The following POLN variants were observed in gnomAD, a reference collection of about 807,000 sequenced individuals.
The protein encoded by POLN is DNA polymerase N.
A neutral mutation model predicts 113.5 loss-of-function variants in POLN; 108 were observed. The observed-to-expected ratio is 0.95, with a 90% CI of 0.81 to 1.12. The LOEUF (loss-of-function observed/expected upper bound fraction) is 1.12. Among genes scored for constraint, POLN ranks in the 50% most tolerant of loss-of-function variants. The pLI is 0.00. For missense variants in POLN, 1,097 were observed against 1,077.1 expected, an observed-to-expected ratio of 1.02 and a Z score of -0.26; for synonymous variants, 386 against 391.5, an observed-to-expected ratio of 0.99 and a Z score of 0.17.
At position 2,236,067 on chromosome 4, in the gene POLN, CAT is replaced by C. The variant is rs915229563; in HGVS notation, c.-13+5451_-13+5452del. ...ACACTCATCAAAACTATCTGAAAAA[CAT>C]ATTTATATGTGAACAAAAATTAGGA... is the stretch of plus-strand genomic sequence containing the variant. On this transcript the variant is annotated intron_variant, in intron 2 of 25. Coordinates refer to ENST00000511885, the MANE Select transcript of POLN (RefSeq NM_181808.4). 8.5e-5 allele frequency among the ~76,000 whole-genome samples: 13 copies of C among 152,232 alleles called. No individual in the cohort carries two copies. In the East Asian group the frequency reaches 1.4e-3, roughly 16 times the overall value.
At chr4:2,221,065 A>G (rs1336243166) in intron 3 of POLN, among the ~76,000 whole-genome samples, 1 of 151,996 alleles carries the variant, frequency 6.6e-6, no homozygotes, top group Non-Finnish European at 1.5e-5. Context: ...AGGTGGGGGG[A>G]AGCGCTCAGG....
intron 20 of POLN, chr4:2,089,169 C>T (rs780878619): frequency 1.8e-4 from 258 of 1,443,858 alleles, no homozygotes; most frequent in Non-Finnish European, 2.1e-4. Flanking sequence ...CAGGAGACCT[C>T]ACTTCAGATA....
At chr4:2,081,245 T>C in intron 22 of POLN, 3 of 1,471,792 alleles carry the variant, frequency 2.0e-6, no homozygotes. Flanking sequence ...ACCTGGGTTT[T>C]GGGTGCCTTA....
In POLN at chr4:2,240,901, A is replaced by G. The variant is rs1734961782; in HGVS notation, c.-13+619T>C. 6 of 1,599,966 alleles carry G rather than the reference A, an allele frequency of 3.8e-6. No homozygotes were observed. In the African/African-American group the frequency reaches 6.7e-5, roughly 18 times the overall value. ...CCATTAAGATTATCAGCTTTGGGAT[A>G]ACCAATTTTTTTTAATGTTTCCACA... On this transcript the variant is annotated intron_variant, in intron 2 of 25. Transcript: ENST00000511885.
rs1404939049 is a variant in POLN at position 2,176,340 on chromosome 4, A to C, written c.1180-6T>G. On this transcript the variant is annotated splice_polypyrimidine_tract_variant and splice_region_variant and intron_variant, in intron 8 of 25. Coordinates refer to ENST00000511885, the MANE Select transcript of POLN (RefSeq NM_181808.4). Reference sequence around the variant, plus strand: ...TTCTCACGTACATTCTGATTCTTTAAAAGAGCAAAAGTATTTTTAAAAATC... The same window carrying C: ...TTCTCACGTACATTCTGATTCTTTACAAGAGCAAAAGTATTTTTAAAAATC... 1 of 1,579,034 alleles carries C rather than the reference A, an allele frequency of 6.3e-7. No individual in the cohort carries two copies. The highest frequency in any genetic ancestry group is 8.6e-7 in the Non-Finnish European group (1 of 1,163,748).
intron 19 of POLN, among the ~76,000 whole-genome samples, chr4:2,114,898 C>T (rs1282401651): frequency 2.0e-5 from 3 of 151,804 alleles, no homozygotes; most frequent in Non-Finnish European, 2.9e-5. Flanking sequence ...TATTGTTGCA[C>T]AGATCTTGGA....
At chr4:2,191,494 A>C (rs897625542) in intron 7 of POLN, among the ~76,000 whole-genome samples, 2 of 152,228 alleles carry the variant, frequency 1.3e-5, no homozygotes, top group Non-Finnish European at 2.9e-5. Flanking sequence ...GAAAATTCAA[A>C]TATTCCCAGT....
chr4:2,122,108 C>T (rs1201213972), intron 19 of POLN, among the ~76,000 whole-genome samples: 1 of 152,116 alleles, frequency 6.6e-6, no homozygotes, highest in Non-Finnish European at 1.5e-5. Context: ...ATCACCAACA[C>T]TTGCCTTGAA....
chr4:2,198,712 G>A lies in POLN; in HGVS notation c.720C>T (p.Pro240=), dbSNP rs761491438. The A allele has an allele frequency of 1.8e-5, 29 of 1,601,748 alleles. No individual in the cohort carries two copies. The highest frequency in any genetic ancestry group is 1.8e-4 in the South Asian group (16 of 89,172). ...GSTQLGADQT[P]VSSVRGIVVL... is the part of the protein sequence containing the mutation. Reference sequence around the variant, plus strand: ...CCACAATTCCTCTAACAGAAGAAACGGGGGTCTGTGGAAACACAACAAAAT... The same window carrying A: ...CCACAATTCCTCTAACAGAAGAAACAGGGGTCTGTGGAAACACAACAAAAT... Residue 240 remains proline (P), a synonymous_variant, in exon 6 of 26, where the codon CCC becomes CCT. Transcript: ENST00000511885.
intron 7 of POLN, among the ~76,000 whole-genome samples, chr4:2,189,638 C>A (rs867540574): frequency 3.3e-4 from 47 of 140,534 alleles, no homozygotes; most frequent in African/African-American, 1.0e-3. Flanking sequence ...GACTCCATCT[C>A]AAACAAAAAA....
chr4:2,161,418 C>T (rs571828643), intron 13 of POLN, among the ~76,000 whole-genome samples: 4 of 152,370 alleles, frequency 2.6e-5, no homozygotes, highest in Admixed American at 6.5e-5. Context: ...CCCAGGCCAG[C>T]GGCTGCGGAG....
chr4:2,122,301 A>T (rs769214490), intron 19 of POLN, among the ~76,000 whole-genome samples: 1 of 152,208 alleles, frequency 6.6e-6, no homozygotes, highest in Non-Finnish European at 1.5e-5. Context: ...AATTTATTAC[A>T]TACTTTAAAA....
intron 2 of POLN, chr4:2,240,959 C>A (rs777783743): frequency 6.4e-7 from 1 of 1,574,698 alleles, no homozygotes; most frequent in South Asian, 1.2e-5. Flanking sequence ...TTTTAACTAC[C>A]CCAATTTTGT....
chr4:2,177,327 G>T, intron 8 of POLN: 1 of 476,388 alleles, frequency 2.1e-6, no homozygotes, highest in East Asian at 6.2e-5. Context: ...GTCCTCCATA[G>T]AGGCACCATG....
At chr4:2,086,050 G>A (rs144939260) in intron 20 of POLN, among the ~76,000 whole-genome samples, 1 of 152,328 alleles carries the variant, frequency 6.6e-6, no homozygotes, top group East Asian at 1.9e-4. Context: ...AACTGCGGAG[G>A]TTAGAGTGGG....
chr4:2,075,892 T>C (rs1309409866), intron 23 of POLN, among the ~76,000 whole-genome samples: 1 of 152,074 alleles, frequency 6.6e-6, no homozygotes, highest in African/African-American at 2.4e-5. Flanking sequence ...CCCACCCAGG[T>C]TGGTCCCGTC....
At chr4:2,075,792 A>G (rs907627261) in intron 23 of POLN, among the ~76,000 whole-genome samples, 2 of 152,204 alleles carry the variant, frequency 1.3e-5, no homozygotes, top group African/African-American at 2.4e-5. Flanking sequence ...AGAAGGGGCA[A>G]TAGGGAGACA....
At chr4:2,209,105 T>C (rs1387935784) in intron 4 of POLN, among the ~76,000 whole-genome samples, 1 of 152,076 alleles carries the variant, frequency 6.6e-6, no homozygotes, top group Non-Finnish European at 1.5e-5. Context: ...GATTAATAAT[T>C]TACAACTTCC....
chr4:2,122,333 T>G (rs748306781), intron 19 of POLN, among the ~76,000 whole-genome samples: 18 of 152,112 alleles, frequency 1.2e-4, no homozygotes, highest in Non-Finnish European at 2.5e-4. Flanking sequence ...TCTTATATCT[T>G]AACTGGAAGG....
Sources: gnomAD v4.1 joint callset for allele counts (sites outside exome capture counted in the v4.1 genomes callset) on GRCh38, gnomAD v4.1.1 for gene constraint, MANE v1.5 for transcripts, NCBI Gene and HGNC (gene_info 2026-07-23, HGNC 2026-07-21) for gene names.